Variants in RUNX2 observed in about 807,000 individuals in gnomAD.
RUNX2 encodes runt-related transcription factor 2.
A neutral mutation model predicts 51.7 loss-of-function variants in RUNX2; 10 were observed. The observed-to-expected ratio is 0.19, with a 90% CI of 0.12 to 0.33. RUNX2 has a LOEUF of 0.33. Among genes scored for constraint, RUNX2 ranks in the 10% least tolerant of loss-of-function variants. The pLI is 1.00. For synonymous variants in RUNX2, 276 were observed against 273.6 expected, an observed-to-expected ratio of 1.01 and a Z score of -0.09; for missense variants, 562 against 691.3, an observed-to-expected ratio of 0.81 and a Z score of 2.10.
chr6:45,383,449 A>G (rs1358691239), intron 2 of RUNX2, among the ~76,000 whole-genome samples: 1 of 152,140 alleles, frequency 6.6e-6, no homozygotes, highest in Admixed American at 6.5e-5. Flanking sequence ...TAAATAAATA[A>G]ATAAGTTCTT....
At chr6:45,380,699 C>G (rs1162531776) in intron 2 of RUNX2, among the ~76,000 whole-genome samples, 1 of 152,198 alleles carries the variant, frequency 6.6e-6, no homozygotes, top group Non-Finnish European at 1.5e-5. Flanking sequence ...GCCTCAGCCT[C>G]CTGAGTAGCT....
intron 5 of RUNX2, among the ~76,000 whole-genome samples, chr6:45,468,162 T>G (rs1799690998): frequency 6.6e-6 from 1 of 152,250 alleles, no homozygotes; most frequent in Non-Finnish European, 1.5e-5. Flanking sequence ...AGCCCCGTAC[T>G]TCTCAAATGT....
chr6:45,347,777 G>A (rs1267626238), intron 2 of RUNX2, among the ~76,000 whole-genome samples: 1 of 148,102 alleles, frequency 6.8e-6, no homozygotes, highest in Non-Finnish European at 1.5e-5. Context: ...AAAAAAAAAA[G>A]ACGTATATTT....
intron 2 of RUNX2, among the ~76,000 whole-genome samples, chr6:45,406,040 AT>A (rs1797827359): frequency 1.3e-5 from 2 of 152,214 alleles, no homozygotes; most frequent in South Asian, 4.1e-4. Context: ...TACATAATAT[AT>A]ATTCAACAAC....
intron 6 of RUNX2, among the ~76,000 whole-genome samples, chr6:45,510,689 C>G (rs566601395): frequency 3.3e-5 from 5 of 151,526 alleles, no homozygotes; most frequent in African/African-American, 9.7e-5. Flanking sequence ...TGTATTAACT[C>G]CAGTTCAGAT....
At chr6:45,365,420 G>A in intron 2 of RUNX2, 1 of 663,758 alleles carries the variant, frequency 1.5e-6, no homozygotes, top group Non-Finnish European at 2.5e-6. Flanking sequence ...TTTCTGATTT[G>A]TTTTGCACAA....
intron 2 of RUNX2, among the ~76,000 whole-genome samples, chr6:45,354,010 A>G (rs906048073): frequency 6.6e-6 from 1 of 152,288 alleles, no homozygotes; most frequent in Admixed American, 6.5e-5. Flanking sequence ...TGTCAAAGAA[A>G]AGCTGAAAAC....
At position 45,549,390 on chromosome 6, in the gene RUNX2, G is replaced by A; in HGVS notation, c.*2085G>A. 2.5e-6 allele frequency: 1 copy of A among 398,548 alleles called. No individual in the cohort carries two copies. The highest frequency in any genetic ancestry group is 3.6e-5 in the East Asian group (1 of 28,062). The allele number at this position is 398,548 out of a possible 1,614,324, so 24.7% of individuals were successfully genotyped here. ...CTGGACCTGTGCTTCCTGCCTGGGA[G>A]TCTCCCTTGGAATTCATCCTGACTC... is the stretch of plus-strand genomic sequence containing the variant. On this transcript the variant is annotated 3_prime_UTR_variant, in exon 9 of 9. Transcript: ENST00000647337.
At chr6:45,513,791 A>G (rs1302886434) in intron 7 of RUNX2, 2 of 152,214 alleles carry the variant, frequency 1.3e-5, no homozygotes, top group African/African-American at 4.8e-5. Context: ...AGAGTATAGA[A>G]TTTTAGTTAT....
intron 7 of RUNX2, among the ~76,000 whole-genome samples, chr6:45,537,660 T>C (rs1310473487): frequency 1.3e-5 from 2 of 152,194 alleles, no homozygotes; most frequent in South Asian, 2.1e-4. Context: ...CCATCACTTA[T>C]AGGATTCATA....
At chr6:45,382,752 T>A (rs1023614114) in intron 2 of RUNX2, among the ~76,000 whole-genome samples, 16 of 152,214 alleles carry the variant, frequency 1.1e-4, no homozygotes, top group Non-Finnish European at 2.9e-5. Flanking sequence ...AGATTTAGGC[T>A]TTAAATTGGT....
In RUNX2 at chr6:45,547,561, A is replaced by G; in HGVS notation, c.*256A>G. On this transcript the variant is annotated 3_prime_UTR_variant, in exon 9 of 9. Transcript: ENST00000647337. ...TTTACTATTTAAGATGTACTTTTAC[A>G]AAGGAACAAAGAAGGGAAAAGGTAT... 1 of 532,130 alleles carries G rather than the reference A, an allele frequency of 1.9e-6. No individual in the cohort carries two copies. Among genetic ancestry groups the G allele is most frequent in the Non-Finnish European group, 3.4e-6 (1 of 296,088 alleles). The allele number at this position is 532,130 out of a possible 1,614,324, so 33.0% of individuals were successfully genotyped here.
At chr6:45,523,947 C>T (rs558479051) in intron 7 of RUNX2, among the ~76,000 whole-genome samples, 108 of 151,176 alleles carry the variant, frequency 7.1e-4, no homozygotes, top group African/African-American at 2.3e-3. Context: ...AAACCAAAAA[C>T]GAAAACAAAA....
At chr6:45,542,031 C>T (rs1276050370) in intron 7 of RUNX2, among the ~76,000 whole-genome samples, 1 of 152,036 alleles carries the variant, frequency 6.6e-6, no homozygotes, top group Non-Finnish European at 1.5e-5. Context: ...TCTCTACCCT[C>T]CACAGCTCAC....
chr6:45,470,456 A>G (rs1799764257), intron 5 of RUNX2, among the ~76,000 whole-genome samples: 1 of 152,196 alleles, frequency 6.6e-6, no homozygotes, highest in African/African-American at 2.4e-5. Flanking sequence ...TCTGCCTTCA[A>G]GGATTTTACG....
chr6:45,390,985 A>G (rs993489916), intron 2 of RUNX2, among the ~76,000 whole-genome samples: 2 of 152,172 alleles, frequency 1.3e-5, no homozygotes, highest in African/African-American at 4.8e-5. Context: ...AATTTTATTT[A>G]TTTACAAAAT....
chr6:45,495,588 G>A (rs1800621419), intron 6 of RUNX2, among the ~76,000 whole-genome samples: 1 of 152,172 alleles, frequency 6.6e-6, no homozygotes, highest in Admixed American at 6.5e-5. Context: ...TTTGTAACAG[G>A]AAGGGCCCAG....
At chr6:45,425,640 A>G (rs979661933) in intron 3 of RUNX2, among the ~76,000 whole-genome samples, 7 of 152,238 alleles carry the variant, frequency 4.6e-5, no homozygotes, top group African/African-American at 1.4e-4. Context: ...GAAAAAATGT[A>G]TGGATGTTTG....
chr6:45,432,576 A>G (rs1798571825), intron 4 of RUNX2, among the ~76,000 whole-genome samples: 1 of 152,138 alleles, frequency 6.6e-6, no homozygotes, highest in Non-Finnish European at 1.5e-5. Flanking sequence ...TAGAGTGACT[A>G]TGTAAGGTTG....
Sources: allele counts gnomAD v4.1 joint callset (sites outside exome capture counted in the v4.1 genomes callset), GRCh38; gene constraint gnomAD v4.1.1; transcripts MANE v1.5; gene names NCBI Gene and HGNC (gene_info 2026-07-23, HGNC 2026-07-21).